The following MTMR9 variants were observed in gnomAD, a reference collection of about 807,000 sequenced individuals.
The protein encoded by MTMR9 is myotubularin related protein 9.
In MTMR9, 39 loss-of-function variants were observed where a neutral mutation model predicts 69.5. The ratio of observed to expected loss-of-function variants is 0.56; its 90% confidence interval spans 0.43 to 0.73. MTMR9 has a LOEUF of 0.73. MTMR9 is among the 30% of genes least tolerant of loss of function. The probability of loss-of-function intolerance (pLI) is 0.00; values close to 1 mark genes in which losing one functional copy is unlikely to be tolerated. For missense variants in MTMR9, 900 were observed against 671.2 expected, an observed-to-expected ratio of 1.34 and a Z score of -3.77; for synonymous variants, 354 against 240.8, an observed-to-expected ratio of 1.47 and a Z score of -4.35.
intron 5 of MTMR9, among the ~76,000 whole-genome samples, chr8:11,308,954 T>C (rs920731152): frequency 2.0e-5 from 3 of 152,170 alleles, no homozygotes; most frequent in Non-Finnish European, 2.9e-5. Context: ...CTGAACAGAT[T>C]TGCTACATAT....
At chr8:11,289,025 A>G (rs1227167551) in intron 1 of MTMR9, among the ~76,000 whole-genome samples, 1 of 152,140 alleles carries the variant, frequency 6.6e-6, no homozygotes, top group Non-Finnish European at 1.5e-5. Flanking sequence ...TACAAAAAAT[A>G]GCTGGGTTTG....
chr8:11,284,933 G>A lies in MTMR9; in HGVS notation c.45G>A (p.Val15=). ...ELIKTPRVDN[V]VLHRPFYPAV... is the part of the protein sequence containing the mutation. Reference sequence around the variant, plus strand: ...TTAAGACCCCGCGGGTGGACAATGTGGTGCTGCACCGGCCTTTCTACCCGG... The same window carrying A: ...TTAAGACCCCGCGGGTGGACAATGTAGTGCTGCACCGGCCTTTCTACCCGG... Residue 15 remains valine, a synonymous_variant, in exon 1 of 10, where the codon GTG becomes GTA. Coordinates refer to ENST00000221086, the MANE Select transcript of MTMR9 (RefSeq NM_015458.4). 1 of 1,613,270 alleles carries A rather than the reference G, an allele frequency of 6.2e-7. No homozygotes were observed. The highest frequency in any genetic ancestry group is 8.5e-7 in the Non-Finnish European group (1 of 1,179,636).
downstream of MTMR9, chr8:11,332,072 C>T (rs768316151): frequency 4.2e-5 from 67 of 1,611,464 alleles, no homozygotes; most frequent in South Asian, 7.3e-4. Context: ...GCATTGCCAT[C>T]ATTACAGCCC....
intron 6 of MTMR9, among the ~76,000 whole-genome samples, chr8:11,313,155 A>G (rs1170333101): frequency 2.0e-5 from 3 of 152,226 alleles, no homozygotes; most frequent in South Asian, 2.1e-4. Flanking sequence ...TTCGCTGACA[A>G]GAGAGTTTGC....
At chr8:11,330,298 G>T (rs1233528594), downstream of MTMR9, among the ~76,000 whole-genome samples, 1 of 150,372 alleles carries the variant, frequency 6.7e-6, no homozygotes, top group Non-Finnish European at 1.5e-5. Context: ...GAGGTGGGGG[G>T]TCAGCCCCCA....
chr8:11,314,618 G>T (rs1006746818), intron 6 of MTMR9, among the ~76,000 whole-genome samples: 5 of 152,162 alleles, frequency 3.3e-5, no homozygotes, highest in African/African-American at 1.2e-4. Context: ...GTTTTGAAAA[G>T]GGAAAGAAAA....
chr8:11,285,536 T>C (rs1799116475), intron 1 of MTMR9, among the ~76,000 whole-genome samples: 1 of 152,114 alleles, frequency 6.6e-6, no homozygotes, highest in African/African-American at 2.4e-5. Context: ...TTCTGAAAAA[T>C]GTTCAGTGTA....
In MTMR9 at chr8:11,319,817, CAG is replaced by C; in HGVS notation, c.1468_1469del (p.Leu491SerfsTer12). ...NLVIWPSVAPQSLPLWEGIFL... is the reference protein window; with the variant it reads ...NLVIWPSVAPXSLPLWEGIFL... ...TGTCATCTGGCCTTCAGTTGCTCCG[CAG>C]AGTCTTCCACTGTGGGAAGGTAAAC... On this transcript the variant is annotated frameshift_variant, in exon 9 of 10. Coordinates refer to ENST00000221086, the MANE Select transcript of MTMR9 (RefSeq NM_015458.4). LOFTEE classifies it high-confidence loss of function. The C allele has an allele frequency of 6.8e-6, 11 of 1,614,146 alleles. No individual in the cohort carries two copies. Among genetic ancestry groups the C allele is most frequent in the Non-Finnish European group, 9.3e-6 (11 of 1,180,000 alleles).
At chr8:11,288,447 T>G (rs921482832) in intron 1 of MTMR9, among the ~76,000 whole-genome samples, 2 of 150,166 alleles carry the variant, frequency 1.3e-5, no homozygotes, top group African/African-American at 4.9e-5. Flanking sequence ...GCAGTTTCCT[T>G]AGAAAGGATT....
intron 3 of MTMR9, among the ~76,000 whole-genome samples, chr8:11,304,266 CT>C (rs1799856730): frequency 6.6e-6 from 1 of 151,904 alleles, no homozygotes; most frequent in Non-Finnish European, 1.5e-5. Context: ...CATTTTTTAC[CT>C]TTTTTAAAAT....
intron 1 of MTMR9, 118 bp downstream of exon 1, chr8:11,285,188 C>A: frequency 3.0e-6 from 3 of 986,712 alleles, no homozygotes; most frequent in Non-Finnish European, 4.3e-6. Flanking sequence ...GCAAGATGAG[C>A]CCTCTGTGGC....
At position 11,285,056 on chromosome 8, in the gene MTMR9, C is replaced by G. The variant is rs746740870; in HGVS notation, c.168C>G (p.Asp56Glu). ...TGTGGCTCCTCCATTCAAACATCGACGCCATCGACAAGCGGTGAGTGCCCG... is the reference window on the plus strand; with the variant it reads ...TGTGGCTCCTCCATTCAAACATCGAGGCCATCGACAAGCGGTGAGTGCCCG... Reference protein sequence around the residue: ...EELWLLHSNIDAIDKRFVGSL... With the variant: ...EELWLLHSNIEAIDKRFVGSL... Residue 56 changes from aspartate (D) to glutamate (E), a missense_variant, in exon 1 of 10, where the codon GAC becomes GAG. Asp to Glu is a conservative substitution (Grantham distance 45). Coordinates refer to ENST00000221086, the MANE Select transcript of MTMR9 (RefSeq NM_015458.4). 5 of 1,606,778 alleles carry G rather than the reference C, an allele frequency of 3.1e-6. No individual in the cohort carries two copies. The highest frequency in any genetic ancestry group is 1.7e-4 in the Middle Eastern group (1 of 6,014).
In MTMR9 at chr8:11,300,131, G is replaced by A; in HGVS notation, c.400G>A (p.Glu134Lys). 3 of 1,613,194 alleles carry A rather than the reference G, an allele frequency of 1.9e-6. No individual in the cohort carries two copies. The highest frequency in any genetic ancestry group is 2.5e-6 in the Non-Finnish European group (3 of 1,179,402). Residue 134 changes from glutamate to lysine, a missense_variant, in exon 3 of 10, where the codon GAA (glutamate) becomes AAA (lysine). Transcript: ENST00000221086. ...WHSFLPEQEF[E>K]LYSSATSEWR... Reference sequence around the variant, plus strand: ...TTCCTTCCTTCCTGAGCAAGAATTTGAACTCTATTCTTCAGCTGTGAGTTA... The same window carrying A: ...TTCCTTCCTTCCTGAGCAAGAATTTAAACTCTATTCTTCAGCTGTGAGTTA...
chr8:11,322,550 T>C (rs1174280107), intron 9 of MTMR9, 75 bp from the exon 10 acceptor site: 1 of 1,267,428 alleles, frequency 7.9e-7, no homozygotes, highest in African/African-American at 1.5e-5. Flanking sequence ...ATAAATTACA[T>C]CTTATCCACA....
At chr8:11,332,202 G>GA (rs558706635), downstream of MTMR9, 18 of 1,509,436 alleles carry the variant, frequency 1.2e-5, no homozygotes, top group Non-Finnish European at 1.5e-5. Flanking sequence ...AAAAATAAAA[G>GA]AAAAAAAATA....
At chr8:11,339,297 A>C in the MTMR9 span, among the ~76,000 whole-genome samples, 16 of 152,196 alleles carry the variant, frequency 1.1e-4, no homozygotes, top group Non-Finnish European at 2.2e-4. Flanking sequence ...TTGGTATACT[A>C]TTTATCTGGC....
At chr8:11,337,527 C>G in the MTMR9 span, among the ~76,000 whole-genome samples, 1 of 152,166 alleles carries the variant, frequency 6.6e-6, no homozygotes, top group African/African-American at 2.4e-5. Context: ...TCCTGTTCAT[C>G]AGATCCAATC....
At chr8:11,321,496 C>G (rs896743449) in intron 9 of MTMR9, 2 of 456,614 alleles carry the variant, frequency 4.4e-6, no homozygotes, top group South Asian at 1.5e-5. Flanking sequence ...TACCAAACCT[C>G]CTTGTGGAGC....
At chr8:11,301,251 G>T (rs1434948708) in intron 3 of MTMR9, among the ~76,000 whole-genome samples, 1 of 152,142 alleles carries the variant, frequency 6.6e-6, no homozygotes, top group East Asian at 1.9e-4. Flanking sequence ...GAAAACACTT[G>T]ATTACTGTAA....
Sources: allele counts gnomAD v4.1 joint callset (sites outside exome capture counted in the v4.1 genomes callset), GRCh38; gene constraint gnomAD v4.1.1; transcripts MANE v1.5; gene names NCBI Gene and HGNC (gene_info 2026-07-23, HGNC 2026-07-21).